The following PTPRD variants were observed in gnomAD, a reference collection of about 807,000 sequenced individuals.
The protein encoded by PTPRD is protein tyrosine phosphatase receptor type D, also known as receptor-type tyrosine-protein phosphatase delta.
In PTPRD, 34 loss-of-function variants were observed where a neutral mutation model predicts 214.5. The ratio of observed to expected loss-of-function variants is 0.16; its 90% CI spans 0.12 to 0.21. PTPRD has a LOEUF of 0.21. Ranked by LOEUF, PTPRD falls within the 10% of genes least tolerant of loss-of-function variation. The pLI, the probability that PTPRD is intolerant of heterozygous loss-of-function variation, is 1.00. For missense variants in PTPRD, 2,545 were observed against 2,398.7 expected (o/e 1.06, Z -1.27); for synonymous variants, 1,128 against 845.7 (o/e 1.33, Z -5.79).
At chr9:9,367,438 A>T (rs897555378) in intron 9 of PTPRD, among the ~76,000 whole-genome samples, 1 of 151,722 alleles carries the variant, frequency 6.6e-6, no homozygotes, top group Non-Finnish European at 1.5e-5. Context: ...GCCTACAATT[A>T]TATTGTATTT....
chr9:10,345,493 C>G (rs1565436861), intron 2 of PTPRD, among the ~76,000 whole-genome samples: 1 of 151,582 alleles, frequency 6.6e-6, no homozygotes, highest in Admixed American at 6.6e-5. Context: ...TCTACTCCCA[C>G]TTATGAGTGA....
At chr9:9,405,947 CTGTT>C (rs1031093439) in intron 8 of PTPRD, among the ~76,000 whole-genome samples, 9 of 151,856 alleles carry the variant, frequency 5.9e-5, no homozygotes, top group South Asian at 2.1e-4. Flanking sequence ...GTTTACTAAT[CTGTT>C]TGTGCTAAAA....
intron 9 of PTPRD, among the ~76,000 whole-genome samples, chr9:9,200,135 G>A (rs2099941014): frequency 6.6e-6 from 1 of 152,186 alleles, no homozygotes; most frequent in African/African-American, 2.4e-5. Context: ...CCTACTGGGA[G>A]CCATTTGGTG....
chr9:10,218,052 G>A (rs2099549817), intron 3 of PTPRD, among the ~76,000 whole-genome samples: 1 of 151,808 alleles, frequency 6.6e-6, no homozygotes, highest in Non-Finnish European at 1.5e-5. Flanking sequence ...TTTAGTGATT[G>A]AGGTGACACA....
chr9:8,408,888 T>C (rs2093284059), intron 35 of PTPRD, among the ~76,000 whole-genome samples: 1 of 86,602 alleles, frequency 1.2e-5, no homozygotes, highest in African/African-American at 5.4e-5. Context: ...GTGAGTGATT[T>C]AAAGAACAAC....
At position 8,431,626 on chromosome 9, in the gene PTPRD, G is replaced by T. The variant is rs922910029; in HGVS notation, c.4086+4966C>A. Among the ~76,000 whole-genome samples the T allele has an allele frequency of 3.3e-5, 5 of 152,136 alleles. No homozygotes were observed. In the South Asian group the frequency reaches 1.0e-3, roughly 32 times the overall value. Reference sequence around the variant, plus strand: ...GAAAATGGTGAAATGAAGACTGGGGGTCATGTTCTGTAATACATTACCCTA... The same window carrying T: ...GAAAATGGTGAAATGAAGACTGGGGTTCATGTTCTGTAATACATTACCCTA... On this transcript the variant is annotated intron_variant, in intron 35 of 45. Coordinates refer to ENST00000381196, the MANE Select transcript of PTPRD (RefSeq NM_002839.4).
At chr9:8,633,189 G>A (rs1463347784) in intron 14 of PTPRD, 128 bp downstream of exon 14, 3 of 1,204,114 alleles carry the variant, frequency 2.5e-6, no homozygotes, top group East Asian at 5.1e-5. Context: ...TAAAGTTCAA[G>A]TCTTACAAAC....
chr9:9,181,955 A>G (rs1034257770), intron 10 of PTPRD, among the ~76,000 whole-genome samples: 4 of 152,030 alleles, frequency 2.6e-5, no homozygotes, highest in African/African-American at 9.7e-5. Context: ...CTGATTCTAT[A>G]CAAATTGCTG....
At chr9:8,877,067 T>C (rs1477521435) in intron 11 of PTPRD, among the ~76,000 whole-genome samples, 3 of 151,936 alleles carry the variant, frequency 2.0e-5, no homozygotes, top group Non-Finnish European at 4.4e-5. Context: ...GCTGGGACTA[T>C]GGACAAGTGC....
intron 4 of PTPRD, among the ~76,000 whole-genome samples, chr9:9,972,587 G>C (rs978003178): frequency 1.3e-5 from 2 of 152,136 alleles, no homozygotes; most frequent in African/African-American, 4.8e-5. Flanking sequence ...TACAAATATA[G>C]TAGCTTGAAA....
chr9:9,389,218 T>C (rs62532900), intron 9 of PTPRD, among the ~76,000 whole-genome samples: 13,317 of 152,230 alleles, frequency 0.087, 660 homozygotes, highest in South Asian at 0.14. Context: ...TTCTCAAAAA[T>C]AGTAAAACGC....
intron 3 of PTPRD, among the ~76,000 whole-genome samples, chr9:10,140,133 A>C (rs1564072413): frequency 6.6e-6 from 1 of 152,076 alleles, no homozygotes; most frequent in Non-Finnish European, 1.5e-5. Context: ...CTGTGAAGAC[A>C]AACCATCTGC....
intron 5 of PTPRD, among the ~76,000 whole-genome samples, chr9:9,856,405 T>C (rs1230165406): frequency 2.6e-5 from 4 of 152,160 alleles, no homozygotes; most frequent in African/African-American, 4.8e-5. Flanking sequence ...CAGGGACCCA[T>C]CCTTTTCTGC....
At chr9:10,496,948 C>G (rs1589452726) in intron 2 of PTPRD, among the ~76,000 whole-genome samples, 1 of 151,952 alleles carries the variant, frequency 6.6e-6, no homozygotes, top group Non-Finnish European at 1.5e-5. Context: ...TGTGCAGAAG[C>G]ATGAAATACT....
chr9:8,712,970 C>T (rs2098375647), intron 12 of PTPRD, among the ~76,000 whole-genome samples: 3 of 152,164 alleles, frequency 2.0e-5, no homozygotes, highest in African/African-American at 7.2e-5. Context: ...CCCCCTGCCT[C>T]GGCCTCCCAA....
chr9:9,374,625 A>T (rs2060315845), intron 9 of PTPRD, among the ~76,000 whole-genome samples: 1 of 152,184 alleles, frequency 6.6e-6, no homozygotes, highest in Non-Finnish European at 1.5e-5. Context: ...GACAGTTTAC[A>T]TTTATTTCTC....
chr9:8,589,630 A>T (rs115807321), intron 14 of PTPRD, among the ~76,000 whole-genome samples: 1 of 152,100 alleles, frequency 6.6e-6, no homozygotes, highest in East Asian at 1.9e-4. Context: ...ACACAATCCA[A>T]TTTCTGTAGA....
At chr9:8,717,045 G>A (rs1234837787) in intron 12 of PTPRD, among the ~76,000 whole-genome samples, 1 of 152,152 alleles carries the variant, frequency 6.6e-6, no homozygotes, top group Non-Finnish European at 1.5e-5. Context: ...GCATGTGCCT[G>A]TAATCCCAGC....
At chr9:8,953,750 T>A (rs1466530176) in intron 11 of PTPRD, among the ~76,000 whole-genome samples, 1 of 151,906 alleles carries the variant, frequency 6.6e-6, no homozygotes, top group South Asian at 2.1e-4. Context: ...TGAAAAAATG[T>A]TCCACATCAC....
Sources: gnomAD v4.1 joint callset for allele counts (sites outside exome capture counted in the v4.1 genomes callset) on GRCh38, gnomAD v4.1.1 for gene constraint, MANE v1.5 for transcripts, NCBI Gene and HGNC (gene_info 2026-07-23, HGNC 2026-07-21) for gene names.